Variants in SLC9C1 observed in about 807,000 individuals in gnomAD.
SLC9C1 encodes the protein sodium/hydrogen exchanger 10.
SLC9C1 carries 97 observed loss-of-function variants against 140.9 expected under a neutral mutation model. That is an observed-to-expected ratio of 0.69 (90% CI 0.58 to 0.82). SLC9C1 has a LOEUF of 0.82. SLC9C1 is among the 40% of genes least tolerant of loss of function. The probability of loss-of-function intolerance (pLI) is 0.00; values close to 1 mark genes in which losing one functional copy is unlikely to be tolerated. For synonymous variants in SLC9C1, 440 were observed against 442.6 expected, an observed-to-expected ratio of 0.99 and a Z score of 0.07; for missense variants, 1,340 against 1,389.3, an observed-to-expected ratio of 0.96 and a Z score of 0.56.
intron 12 of SLC9C1, among the ~76,000 whole-genome samples, chr3:112,238,561 T>C (rs2079055465): frequency 1.3e-5 from 2 of 152,318 alleles, no homozygotes; most frequent in South Asian, 4.1e-4. Context: ...AGTTTTTCTG[T>C]TCTGTTTTTT....
chr3:112,162,180 T>C (rs1308523746), intron 26 of SLC9C1, among the ~76,000 whole-genome samples: 1 of 152,190 alleles, frequency 6.6e-6, no homozygotes, highest in Non-Finnish European at 1.5e-5. Context: ...GCTGAGACAA[T>C]GGGGTTATCT....
At chr3:112,151,469 TG>T (rs751874423) in intron 28 of SLC9C1, 1 of 519,536 alleles carries the variant, frequency 1.9e-6, no homozygotes, top group Non-Finnish European at 3.8e-6. Context: ...AATTGCCTTC[TG>T]GTAGGTTTTG....
intron 27 of SLC9C1, among the ~76,000 whole-genome samples, chr3:112,153,142 A>G (rs1435789247): frequency 6.6e-6 from 1 of 152,162 alleles, no homozygotes; most frequent in African/African-American, 2.4e-5. Context: ...CATCTACTAA[A>G]CAACACAATT....
chr3:112,252,773 A>G (rs886742089), intron 10 of SLC9C1, among the ~76,000 whole-genome samples: 1 of 152,158 alleles, frequency 6.6e-6, no homozygotes, highest in Non-Finnish European at 1.5e-5. Flanking sequence ...CTGCCAGCAA[A>G]GCACTGCTGC....
Position 112,277,785 on chromosome 3 carries a change from A to G in SLC9C1, c.394T>C (p.Leu132=). Residue 132 remains leucine, a synonymous_variant, in exon 5 of 29, where the codon TTA becomes CTA. Coordinates refer to ENST00000305815, the MANE Select transcript of SLC9C1 (RefSeq NM_183061.3). ...VLWHLASVNQ[L]LLKPTQWLLF... Reference sequence around the variant, plus strand: ...AACCATTGGGTAGGCTTCAAAAGTAATTGATTTACAGATGCCAGATGCCAA... The same window carrying G: ...AACCATTGGGTAGGCTTCAAAAGTAGTTGATTTACAGATGCCAGATGCCAA... The G allele has an allele frequency of 6.2e-7, 1 of 1,612,842 alleles. No homozygotes were observed. The highest frequency in any genetic ancestry group is 8.5e-7 in the Non-Finnish European group (1 of 1,179,274).
At chr3:112,180,427 G>T in intron 22 of SLC9C1, 137 bp downstream of exon 22, 1 of 551,364 alleles carries the variant, frequency 1.8e-6, no homozygotes, top group South Asian at 2.3e-5. Context: ...GGAGGCTGAG[G>T]CAGGAGTATC....
chr3:112,263,998 TA>T (rs143017032), intron 9 of SLC9C1, among the ~76,000 whole-genome samples: 2 of 151,546 alleles, frequency 1.3e-5, no homozygotes, highest in Admixed American at 6.6e-5. Flanking sequence ...TTTTTCTAAT[TA>T]AAAAAACTTA....
chr3:112,291,682 G>C (rs1208878737), intron 1 of SLC9C1, among the ~76,000 whole-genome samples: 1 of 152,196 alleles, frequency 6.6e-6, no homozygotes, highest in Non-Finnish European at 1.5e-5. Context: ...ATGTAAATTA[G>C]TTCAACCACT....
intron 10 of SLC9C1, 72 bp downstream of exon 10, chr3:112,262,852 A>G: frequency 7.7e-7 from 1 of 1,293,292 alleles, no homozygotes; most frequent in Non-Finnish European, 1.0e-6. Flanking sequence ...CTCACTACAA[A>G]AAAACATATA....
At chr3:112,272,759 T>C (rs75795694) in intron 6 of SLC9C1, among the ~76,000 whole-genome samples, 15,752 of 152,168 alleles carry the variant, frequency 0.1, 874 homozygotes, top group East Asian at 0.2. Context: ...ATTCTATTCA[T>C]TATTATCAAA....
At chr3:112,199,526 T>G in intron 19 of SLC9C1, 57 bp from the exon 20 acceptor site, 4 of 1,372,430 alleles carry the variant, frequency 2.9e-6, no homozygotes, top group Non-Finnish European at 3.9e-6. Flanking sequence ...AAATGTTTTA[T>G]GTGGACAATA....
rs867187415 is a variant in SLC9C1 at position 112,288,289 on chromosome 3, A to T, written c.-87-1411T>A. ...TAAACAAGTATTTCAAAAGCAGAAG[A>T]GAAATGACCCAAAATCATATCATCT... On this transcript the variant is annotated intron_variant, in intron 1 of 28. Transcript: ENST00000305815. Among the ~76,000 whole-genome samples the T allele has an allele frequency of 2.7e-4, 41 of 152,328 alleles. No homozygotes were observed. The Middle Eastern group carries it at 0.017, about 63-fold the overall frequency.
intron 13 of SLC9C1, among the ~76,000 whole-genome samples, chr3:112,227,311 C>G (rs542225869): frequency 6.6e-6 from 1 of 152,268 alleles, no homozygotes; most frequent in East Asian, 1.9e-4. Context: ...AGGCTAATAT[C>G]CCTCATGAAC....
chr3:112,168,700 G>A (rs1204602638), intron 25 of SLC9C1, among the ~76,000 whole-genome samples, 177 bp downstream of exon 25: 2 of 152,198 alleles, frequency 1.3e-5, no homozygotes, highest in African/African-American at 2.4e-5. Context: ...TGAACTTGGT[G>A]TGTGTGGGCC....
At chr3:112,271,393 G>GTGTATATATATATATA (rs142798462) in intron 6 of SLC9C1, among the ~76,000 whole-genome samples, 24 of 125,568 alleles carry the variant, frequency 1.9e-4, no homozygotes, top group African/African-American at 2.7e-4. Context: ...ATTCTACATT[G>GTGTATATATATATATA]TATATATATA....
chr3:112,244,553 A>G (rs1482556411), intron 10 of SLC9C1, among the ~76,000 whole-genome samples: 1 of 152,196 alleles, frequency 6.6e-6, no homozygotes, highest in Non-Finnish European at 1.5e-5. Flanking sequence ...TGTTTTCTCC[A>G]CCTCACACTT....
chr3:112,249,249 A>G (rs1276051935), intron 10 of SLC9C1, among the ~76,000 whole-genome samples: 1 of 151,522 alleles, frequency 6.6e-6, no homozygotes, highest in African/African-American at 2.4e-5. Flanking sequence ...GATGAATCAC[A>G]TTTACTTATT....
intron 15 of SLC9C1, among the ~76,000 whole-genome samples, chr3:112,210,285 G>C (rs2078165858): frequency 1.3e-5 from 2 of 152,062 alleles, no homozygotes; most frequent in Non-Finnish European, 2.9e-5. Context: ...CTGATGAATG[G>C]GTAAATAAAA....
intron 28 of SLC9C1, among the ~76,000 whole-genome samples, chr3:112,150,985 C>T (rs978868580): frequency 3.3e-5 from 5 of 151,266 alleles, no homozygotes; most frequent in African/African-American, 1.2e-4. Context: ...TTACAGGCAT[C>T]TGCCACAGCG....
Sources: allele counts gnomAD v4.1 joint callset (sites outside exome capture counted in the v4.1 genomes callset), GRCh38; gene constraint gnomAD v4.1.1; transcripts MANE v1.5; gene names NCBI Gene and HGNC (gene_info 2026-07-23, HGNC 2026-07-21).